The following FAF1 variants were observed in gnomAD, a reference collection of about 807,000 sequenced individuals.
FAF1 encodes Fas associated factor 1.
A neutral mutation model predicts 92.5 loss-of-function variants in FAF1; 25 were observed. The observed-to-expected ratio is 0.27, with a 90% CI of 0.20 to 0.38. The LOEUF (loss-of-function observed/expected upper bound fraction) is 0.38. FAF1 is among the 10% of genes least tolerant of loss of function. The pLI is 1.00. For missense variants in FAF1, 636 were observed against 793.3 expected, an observed-to-expected ratio of 0.80 and a Z score of 2.38; for synonymous variants, 234 against 273.2, an observed-to-expected ratio of 0.86 and a Z score of 1.42.
chr1:50,706,206 T>C (rs973577189), intron 6 of FAF1, among the ~76,000 whole-genome samples: 5 of 152,236 alleles, frequency 3.3e-5, no homozygotes, highest in African/African-American at 1.2e-4. Context: ...AAGCTGTCAA[T>C]TATATCAACT....
rs1006191530 is a variant in FAF1, at chr1:50,801,671, T to C, written c.121A>G (p.Ile41Val). 3 of 1,591,898 alleles carry C rather than the reference T, an allele frequency of 1.9e-6. No individual in the cohort carries two copies. The highest frequency in any genetic ancestry group is 1.7e-6 in the Non-Finnish European group (2 of 1,160,292). Residue 41 changes from isoleucine (I) to valine (V), a missense_variant, in exon 3 of 19, where the codon ATC becomes GTC. Ile to Val is a conservative substitution (Grantham distance 29). This residue lies in a region of FAF1 where 317 missense variants were observed against 342.4 expected (regional missense o/e 0.93). Transcript: ENST00000396153. ...EQNNWDLVAA[I>V]NGVIPQENGI... ...TTTTCCTGTGGTATTACACCATTGA[T>C]AGCTGCCTGCAAACAAGAAACAGAG...
chr1:50,634,273 C>T (rs1653916940), intron 8 of FAF1, among the ~76,000 whole-genome samples: 4 of 152,060 alleles, frequency 2.6e-5, no homozygotes, highest in Admixed American at 2.6e-4. Flanking sequence ...CTGTTACCTC[C>T]AAAACAGTTT....
At chr1:50,774,180 C>A (rs1660872253) in intron 4 of FAF1, among the ~76,000 whole-genome samples, 1 of 152,136 alleles carries the variant, frequency 6.6e-6, no homozygotes, top group Non-Finnish European at 1.5e-5. Flanking sequence ...CTTTCTTCCC[C>A]CAAAATACAA....
rs188045100 is a variant in FAF1, at chr1:50,733,895, C to G, written c.551+4968G>C. ...CACTGCAACTTCCACCTCCAGGGTT[C>G]AAGCAATTCTCCTGCCTCAGCCTCC... On this transcript the variant is annotated intron_variant, in intron 6 of 18. Coordinates refer to ENST00000396153, the MANE Select transcript of FAF1 (RefSeq NM_007051.3). 1.5e-3 allele frequency among the ~76,000 whole-genome samples: 235 copies of G among 152,348 alleles called. 1 individual carries two copies. Among genetic ancestry groups the G allele is most frequent in the African/African-American group, 5.5e-3 (228 of 41,584 alleles).
rs141743801 is a variant in FAF1 at position 50,479,717 on chromosome 1, C to T, written c.1654-4038G>A. Reference sequence around the variant, plus strand: ...ATTACAGAAGAATAAACAACAGTAGCTCGTTACTTCATTCATTATACAGAC... The same window carrying T: ...ATTACAGAAGAATAAACAACAGTAGTTCGTTACTTCATTCATTATACAGAC... On this transcript the variant is annotated intron_variant, in intron 17 of 18. Coordinates refer to ENST00000396153, the MANE Select transcript of FAF1 (RefSeq NM_007051.3). Among the ~76,000 whole-genome samples, 423 of 152,264 alleles carry T rather than the reference C, an allele frequency of 2.8e-3. 1 individual carries two copies. Among genetic ancestry groups the T allele is most frequent in the African/African-American group, 9.8e-3 (409 of 41,556 alleles).
chr1:50,941,764 TCATTGGAGGGAAACACGTTCCCC>T (rs1645135167), intron 1 of FAF1, among the ~76,000 whole-genome samples: 1 of 152,210 alleles, frequency 6.6e-6, no homozygotes, highest in African/African-American at 2.4e-5. Context: ...ATATGTTCCC[TCATTGGAGGGAAACACGTTCCCC>T]CATTGGACCC....
intron 1 of FAF1, among the ~76,000 whole-genome samples, chr1:50,948,644 C>T (rs540417037): frequency 2.6e-5 from 4 of 151,558 alleles, no homozygotes; most frequent in African/African-American, 9.7e-5. Context: ...GCGATTCTCA[C>T]GCCTCAGCCT....
chr1:50,730,107 C>T lies in FAF1; in HGVS notation c.551+8756G>A, dbSNP rs180679114. Reference sequence around the variant, plus strand: ...GGGTGAAGGGGGTTGGAGCAGCATGCGGAATTTTTGACAACTAATTCAGTT... The same window carrying T: ...GGGTGAAGGGGGTTGGAGCAGCATGTGGAATTTTTGACAACTAATTCAGTT... On this transcript the variant is annotated intron_variant, in intron 6 of 18. Transcript: ENST00000396153. 3.4e-4 allele frequency among the ~76,000 whole-genome samples: 52 copies of T among 152,138 alleles called. No homozygotes were observed. In the South Asian group the frequency reaches 4.0e-3, roughly 12 times the overall value.
chr1:50,858,681 C>A (rs1227757263), intron 1 of FAF1, among the ~76,000 whole-genome samples: 3 of 151,810 alleles, frequency 2.0e-5, no homozygotes, highest in African/African-American at 7.3e-5. Context: ...TCACACATTT[C>A]TTTTTACCCC....
intron 1 of FAF1, among the ~76,000 whole-genome samples, chr1:50,906,668 C>T (rs546061389): frequency 5.7e-4 from 87 of 152,108 alleles, no homozygotes; most frequent in African/African-American, 1.8e-3. Flanking sequence ...ACTCATGATT[C>T]GGCTCTCTGT....
At chr1:50,685,851 GA>G (rs1218299969) in intron 7 of FAF1, among the ~76,000 whole-genome samples, 1 of 152,164 alleles carries the variant, frequency 6.6e-6, no homozygotes, top group Admixed American at 6.5e-5. Context: ...CTGACTAGCA[GA>G]TTTTCCCCAG....
intron 7 of FAF1, among the ~76,000 whole-genome samples, chr1:50,679,471 G>T (rs1656329355): frequency 6.7e-6 from 1 of 148,502 alleles, no homozygotes; most frequent in Non-Finnish European, 1.5e-5. Context: ...GACACCTAAG[G>T]ATTTGCCCAA....
intron 8 of FAF1, among the ~76,000 whole-genome samples, chr1:50,643,674 C>T (rs186484104): frequency 1.3e-5 from 2 of 152,208 alleles, no homozygotes; most frequent in African/African-American, 4.8e-5. Flanking sequence ...CTCACAGCAA[C>T]CTCCGCCTCC....
chr1:50,681,539 C>A (rs984227130), intron 7 of FAF1, among the ~76,000 whole-genome samples: 6 of 152,008 alleles, frequency 3.9e-5, no homozygotes, highest in African/African-American at 1.4e-4. Flanking sequence ...CAGAGTTTCA[C>A]TCTTGTTGCC....
intron 3 of FAF1, among the ~76,000 whole-genome samples, chr1:50,799,713 G>A (rs1273184912): frequency 1.3e-5 from 2 of 152,068 alleles, no homozygotes; most frequent in African/African-American, 4.8e-5. Flanking sequence ...TCTTTGTTAA[G>A]GGATGGACTA....
At chr1:50,715,232 A>T (rs1308989908) in intron 6 of FAF1, among the ~76,000 whole-genome samples, 1 of 152,234 alleles carries the variant, frequency 6.6e-6, no homozygotes, top group African/African-American at 2.4e-5. Flanking sequence ...AGCACTGAGT[A>T]TGCAAAATGC....
intron 2 of FAF1, among the ~76,000 whole-genome samples, chr1:50,840,752 C>T (rs1376979117): frequency 6.6e-6 from 1 of 151,902 alleles, no homozygotes; most frequent in Non-Finnish European, 1.5e-5. Context: ...AGCAATTTCA[C>T]TTTTAGGAAT....
intron 18 of FAF1, among the ~76,000 whole-genome samples, chr1:50,444,388 T>C (rs1169910440): frequency 6.6e-6 from 1 of 152,096 alleles, no homozygotes; most frequent in Admixed American, 6.5e-5. Flanking sequence ...TGTTGCTATA[T>C]GGGTAGGGAG....
intron 12 of FAF1, among the ~76,000 whole-genome samples, chr1:50,576,616 A>G (rs1650747959): frequency 6.7e-6 from 1 of 149,498 alleles, no homozygotes. Flanking sequence ...AGGAAAAAAA[A>G]GACTCATCTC....
Sources: allele counts gnomAD v4.1 joint callset (sites outside exome capture counted in the v4.1 genomes callset), GRCh38; gene constraint gnomAD v4.1.1; regional missense constraint gnomAD v4.1.1; transcripts MANE v1.5; gene names NCBI Gene and HGNC (gene_info 2026-07-23, HGNC 2026-07-21).